The following ZNF385C variants were observed in gnomAD, a reference collection of about 807,000 sequenced individuals.
ZNF385C encodes zinc finger protein 385C.
Under a neutral mutation model 35.4 loss-of-function variants are expected in ZNF385C, and 28 were observed. The observed-to-expected ratio is 0.79, with a 90% CI of 0.59 to 1.08. The LOEUF (loss-of-function observed/expected upper bound fraction) is 1.08. Ranked by LOEUF, ZNF385C falls within the 50% of genes least tolerant of loss-of-function variation. ZNF385C has a pLI of 0.00. For synonymous variants in ZNF385C, 248 were observed against 248.2 expected (o/e 1.00, Z 0.01); for missense variants, 605 against 595.6 (o/e 1.02, Z -0.16).
At chr17:42,076,961 C>A (rs2053692863) in intron 1 of ZNF385C, among the ~76,000 whole-genome samples, 1 of 152,124 alleles carries the variant, frequency 6.6e-6, no homozygotes, top group Non-Finnish European at 1.5e-5. Context: ...TTGCCCTCCC[C>A]ACTCCAGAAA....
At chr17:42,057,509 C>T (rs145292412) in intron 2 of ZNF385C, among the ~76,000 whole-genome samples, 108,328 of 143,890 alleles carry the variant, frequency 0.75, 41,821 homozygotes, top group South Asian at 0.85. Context: ...CGCGCGCGCG[C>T]GCGCGTGTGT....
intron 1 of ZNF385C, among the ~76,000 whole-genome samples, chr17:42,074,151 C>G (rs191374129): frequency 1.3e-5 from 2 of 152,352 alleles, no homozygotes; most frequent in East Asian, 3.9e-4. Context: ...GGGTATCTCT[C>G]AGGTTGTAAT....
chr17:42,054,504 A>G (rs9905469), intron 2 of ZNF385C, among the ~76,000 whole-genome samples: 110,174 of 151,666 alleles, frequency 0.73, 42,415 homozygotes, highest in South Asian at 0.84. Context: ...CTGTTAGTCT[A>G]GTACCTGGAC....
At chr17:42,068,176 C>CG (rs2053575009) in intron 1 of ZNF385C, among the ~76,000 whole-genome samples, 3 of 152,218 alleles carry the variant, frequency 2.0e-5, no homozygotes, top group Admixed American at 6.5e-5. Context: ...TGGGCAGTGA[C>CG]GGGGGCACAC....
chr17:42,073,406 C>G, intron 1 of ZNF385C, among the ~76,000 whole-genome samples: 1 of 151,982 alleles, frequency 6.6e-6, no homozygotes, highest in East Asian at 1.9e-4. Context: ...TGCACTCCAG[C>G]CTGGGTAAGA....
At chr17:42,041,679 C>T (rs2053025401) in intron 2 of ZNF385C, among the ~76,000 whole-genome samples, 1 of 152,158 alleles carries the variant, frequency 6.6e-6, no homozygotes, top group Non-Finnish European at 1.5e-5. Flanking sequence ...AACTGATAGG[C>T]ACACTCACTC....
chr17:42,035,763 G>A (rs1342036784), intron 3 of ZNF385C, among the ~76,000 whole-genome samples: 15 of 151,892 alleles, frequency 9.9e-5, no homozygotes, highest in African/African-American at 3.6e-4. Context: ...ATGTTGGCCA[G>A]GCTGGTCTCG....
chr17:42,033,440 G>A (rs1050870864), intron 4 of ZNF385C, among the ~76,000 whole-genome samples: 21 of 152,178 alleles, frequency 1.4e-4, no homozygotes, highest in African/African-American at 3.4e-4. Flanking sequence ...TTCCTCATCT[G>A]AAAATCGGGG....
chr17:42,073,278 G>A (rs1245133529), intron 1 of ZNF385C, among the ~76,000 whole-genome samples: 3 of 152,064 alleles, frequency 2.0e-5, no homozygotes, highest in South Asian at 4.1e-4. Context: ...CTCTATAAAA[G>A]TACAAAAATT....
chr17:42,049,370 C>A lies in ZNF385C; in HGVS notation c.251-11485G>T, dbSNP rs189864171. ...TCTTGCTTCATCCTCTCTCCACCCC[C>A]CTTCTCATGCACGTTCCCTGAGGGC... On this transcript the variant is annotated intron_variant, in intron 2 of 8. Transcript: ENST00000692273. Among the ~76,000 whole-genome samples, 800 of 152,248 alleles carry A rather than the reference C, an allele frequency of 5.3e-3. 7 individuals are homozygous for A. Among genetic ancestry groups the A allele is most frequent in the African/African-American group, 0.013 (548 of 41,538 alleles).
intron 1 of ZNF385C, among the ~76,000 whole-genome samples, chr17:42,086,574 C>T (rs1045224833): frequency 2.0e-5 from 3 of 151,240 alleles, no homozygotes; most frequent in East Asian, 4.0e-4. Context: ...TGGTGGCGTG[C>T]GCCTGTCATT....
At chr17:42,080,949 G>A (rs782688621) in intron 1 of ZNF385C, among the ~76,000 whole-genome samples, 4 of 152,200 alleles carry the variant, frequency 2.6e-5, no homozygotes, top group Non-Finnish European at 5.9e-5. Flanking sequence ...TCTATAAAAT[G>A]GACTCAGTAG....
chr17:42,046,393 T>C (rs2053161540), intron 2 of ZNF385C, among the ~76,000 whole-genome samples: 2 of 152,020 alleles, frequency 1.3e-5, no homozygotes, highest in East Asian at 3.9e-4. Flanking sequence ...AGGAGTTCCA[T>C]ACCAGCCTGG....
At chr17:42,027,942 C>T (rs2052631534) in intron 7 of ZNF385C, 108 bp downstream of exon 7, 2 of 1,420,290 alleles carry the variant, frequency 1.4e-6, no homozygotes, top group Non-Finnish European at 1.9e-6. Context: ...CTTCTCCAGC[C>T]TGCTCTGCTG....
intron 1 of ZNF385C, among the ~76,000 whole-genome samples, chr17:42,096,723 C>T (rs1267675931): frequency 1.3e-5 from 2 of 152,156 alleles, no homozygotes; most frequent in Non-Finnish European, 2.9e-5. Context: ...GGTCTCCAAG[C>T]CAGAGCTTGT....
intron 3 of ZNF385C, among the ~76,000 whole-genome samples, chr17:42,035,129 A>AC (rs2052822318): frequency 6.6e-6 from 1 of 151,052 alleles, no homozygotes; most frequent in Non-Finnish European, 1.5e-5. Flanking sequence ...AAAAAAAAAA[A>AC]AAAAAAAAAA....
intron 2 of ZNF385C, chr17:42,040,687 G>A: frequency 8.1e-7 from 1 of 1,232,300 alleles, no homozygotes; most frequent in South Asian, 4.1e-5. Flanking sequence ...CACTGGCCGA[G>A]GCCCTGCCAA....
At chr17:42,053,630 T>A (rs1411711189) in intron 2 of ZNF385C, among the ~76,000 whole-genome samples, 1 of 152,138 alleles carries the variant, frequency 6.6e-6, no homozygotes, top group Non-Finnish European at 1.5e-5. Flanking sequence ...CTACCCTTTC[T>A]TTCACCTTTG....
At chr17:42,093,845 A>C (rs1555660763) in intron 1 of ZNF385C, among the ~76,000 whole-genome samples, 1 of 151,952 alleles carries the variant, frequency 6.6e-6, no homozygotes, top group Admixed American at 6.6e-5. Context: ...TTGGCCTCCC[A>C]AAGTGCTGGG....
Sources: gnomAD v4.1 joint callset for allele counts (sites outside exome capture counted in the v4.1 genomes callset) on GRCh38, gnomAD v4.1.1 for gene constraint, MANE v1.5 for transcripts, NCBI Gene and HGNC (gene_info 2026-07-23, HGNC 2026-07-21) for gene names.